HECW1: variants seen among roughly 807,000 people sequenced by gnomAD.
HECW1 encodes HECT, C2 and WW domain containing E3 ubiquitin protein ligase 1.
Under a neutral mutation model 182.3 loss-of-function variants are expected in HECW1, and 61 were observed. That is an observed-to-expected ratio of 0.33 (90% confidence interval 0.27 to 0.41). The LOEUF (loss-of-function observed/expected upper bound fraction) is 0.41, where lower values mean the gene tolerates loss of function less well. Ranked by LOEUF, HECW1 falls within the 10% of genes least tolerant of loss-of-function variation. The pLI is 1.00. For synonymous variants in HECW1, 859 were observed against 832.6 expected (o/e 1.03, Z -0.55); for missense variants, 1,739 against 2,108.9 (o/e 0.82, Z 3.44).
chr7:43,384,864 TC>T (rs1467649889), intron 6 of HECW1, among the ~76,000 whole-genome samples: 1 of 152,144 alleles, frequency 6.6e-6, no homozygotes, highest in Non-Finnish European at 1.5e-5. Context: ...CCGACACACT[TC>T]CTATGATTTC....
intron 3 of HECW1, chr7:43,274,291 TG>T: frequency 9.7e-7 from 1 of 1,031,836 alleles, no homozygotes; most frequent in Non-Finnish European, 1.4e-6. Flanking sequence ...GTCCCGCTTC[TG>T]GTACTTTGTA....
intron 5 of HECW1, among the ~76,000 whole-genome samples, chr7:43,323,216 AAC>A (rs1284832468): frequency 6.6e-6 from 1 of 152,212 alleles, no homozygotes; most frequent in Non-Finnish European, 1.5e-5. Flanking sequence ...ACATATATAG[AAC>A]ATTTCTTGTA....
intron 7 of HECW1, among the ~76,000 whole-genome samples, chr7:43,402,795 A>G (rs2075472466): frequency 6.6e-6 from 1 of 152,254 alleles, no homozygotes; most frequent in Admixed American, 6.5e-5. Flanking sequence ...CAAATGCTTT[A>G]CTTGTCAAGT....
chr7:43,267,395 G>A (rs1801915664), intron 3 of HECW1, among the ~76,000 whole-genome samples: 1 of 151,970 alleles, frequency 6.6e-6, no homozygotes, highest in African/African-American at 2.4e-5. Context: ...TGACTATTTA[G>A]GAAATAATGT....
At chr7:43,431,518 A>G (rs541275282) in intron 8 of HECW1, among the ~76,000 whole-genome samples, 6 of 151,946 alleles carry the variant, frequency 3.9e-5, no homozygotes, top group Non-Finnish European at 8.8e-5. Flanking sequence ...ACCACTTTGC[A>G]CTTATCTTAC....
chr7:43,309,001 A>T (rs1320376579), intron 3 of HECW1, among the ~76,000 whole-genome samples: 1 of 152,224 alleles, frequency 6.6e-6, no homozygotes, highest in Non-Finnish European at 1.5e-5. Context: ...ATTTCTATAA[A>T]TTAAAGCTTT....
chr7:43,167,051 T>C (rs1214575000), intron 2 of HECW1, among the ~76,000 whole-genome samples: 1 of 152,216 alleles, frequency 6.6e-6, no homozygotes, highest in African/African-American at 2.4e-5. Context: ...AGATAGTGGA[T>C]TCACTTCCCA....
intron 24 of HECW1, among the ~76,000 whole-genome samples, chr7:43,536,631 G>T (rs1041025113): frequency 6.6e-6 from 1 of 152,186 alleles, no homozygotes; most frequent in African/African-American, 2.4e-5. Context: ...AGGGACCTGG[G>T]GGCCCTTCAG....
At chr7:43,237,179 AGGTAGGTAGG>A (rs1327308052) in intron 2 of HECW1, among the ~76,000 whole-genome samples, 1 of 140,552 alleles carries the variant, frequency 7.1e-6, no homozygotes, top group African/African-American at 2.9e-5. Flanking sequence ...GTAGGTAGGT[AGGTAGGTAGG>A]TAAAGTGTGA....
intron 2 of HECW1, among the ~76,000 whole-genome samples, chr7:43,171,666 C>T (rs1791707878): frequency 6.6e-6 from 1 of 152,142 alleles, no homozygotes; most frequent in African/African-American, 2.4e-5. Flanking sequence ...ATATCTAAGC[C>T]TGAGATTTTG....
chr7:43,564,723 CTTAT>C lies in HECW1; in HGVS notation c.*2802_*2805del, dbSNP rs1315535767. On this transcript the variant is annotated 3_prime_UTR_variant, in exon 30 of 30. Coordinates refer to ENST00000395891, the MANE Select transcript of HECW1 (RefSeq NM_015052.5). ...ACAAGTTATGGAAATTCATGTTTAC[CTTAT>C]TTATAAGGCTGATTTTTAAATTATA... 1.7e-5 allele frequency: 3 copies of C among 179,760 alleles called. No individual in the cohort carries two copies. The highest frequency in any genetic ancestry group is 3.6e-5 in the Non-Finnish European group (3 of 84,020). The allele number at this position is 179,760 out of a possible 1,614,324, so 11.1% of individuals were successfully genotyped here.
At chr7:43,261,001 A>C (rs1277132090) in intron 3 of HECW1, among the ~76,000 whole-genome samples, 1 of 152,212 alleles carries the variant, frequency 6.6e-6, no homozygotes, top group Non-Finnish European at 1.5e-5. Context: ...ACAGATGAGG[A>C]AATTAAGAAA....
At position 43,444,320 on chromosome 7, in the gene HECW1, A is replaced by T. The variant is rs915357869; in HGVS notation, c.1148A>T (p.Glu383Val). The change falls in exon 11 of 30, where the codon GAG (glutamate) becomes GTG (valine). Residue 383 changes from glutamate to valine, a missense_variant. Glu to Val is a moderately radical substitution (Grantham distance 121). Transcript: ENST00000395891. The surrounding 1 kb of genome is among the most constrained non-coding windows in gnomAD (Gnocchi z 4.3). ...AGCGGCAGTGGGGAACCTCGGTCTG[A>T]GGCACCAGAGTCCTCTGAGAGCTGG... ...MESGSGEPRS[E>V]APESSESWKP... 1.2e-6 allele frequency: 2 copies of T among 1,614,042 alleles called. No individual in the cohort carries two copies. Among genetic ancestry groups the T allele is most frequent in the Non-Finnish European group, 1.7e-6 (2 of 1,180,022 alleles).
In HECW1 at chr7:43,481,686, A is replaced by G. The variant is rs2078439687; in HGVS notation, c.3234+1942A>G. Among the ~76,000 whole-genome samples, 4 of 152,190 alleles carry G rather than the reference A, an allele frequency of 2.6e-5. No individual in the cohort carries two copies. In the South Asian group the frequency reaches 6.2e-4, roughly 24 times the overall value. ...TGTATGGCAAAGTGCCATCTGTATC[A>G]GTTAAGAACTAGCTGGGGCCAGGTG... is the stretch of plus-strand genomic sequence containing the variant. On this transcript the variant is annotated intron_variant, in intron 17 of 29. Coordinates refer to ENST00000395891, the MANE Select transcript of HECW1 (RefSeq NM_015052.5).
intron 12 of HECW1, among the ~76,000 whole-genome samples, chr7:43,451,163 G>C (rs571231307): frequency 6.6e-6 from 1 of 152,262 alleles, no homozygotes; most frequent in South Asian, 2.1e-4. Flanking sequence ...AGTGTTTTCA[G>C]TGCCTCTCAA....
Position 43,445,383 on chromosome 7 carries a change from C to A in HECW1, c.2211C>A (p.Asp737Glu), listed in dbSNP as rs1005232489. The change falls in exon 11 of 30, where the codon GAC (aspartate) becomes GAA (glutamate). Residue 737 changes from aspartate (D) to glutamate (E), a missense_variant. Physicochemically the swap from Asp to Glu is conservative, Grantham distance 45. Around this residue, in one of 5 missense-constraint regions of HECW1, gnomAD observed 971 missense variants for 1,029.1 expected, o/e 0.94. Coordinates refer to ENST00000395891, the MANE Select transcript of HECW1 (RefSeq NM_015052.5). ...AGAGCACGGTCTTCTCCTCGCAAGA[C>A]GACGAGGAGGAGGAGAACAGCGCGT... is the stretch of plus-strand genomic sequence containing the variant. ...ISESTVFSSQ[D>E]DEEEENSAFE... is the part of the protein sequence containing the mutation. The A allele has an allele frequency of 1.2e-6, 2 of 1,613,704 alleles. No homozygotes were observed. The highest frequency in any genetic ancestry group is 1.1e-5 in the South Asian group (1 of 91,086).
chr7:43,422,366 TTG>T (rs2076210389), intron 8 of HECW1, among the ~76,000 whole-genome samples: 3 of 93,062 alleles, frequency 3.2e-5, no homozygotes, highest in Non-Finnish European at 1.9e-5. Context: ...TTGGTTGTTG[TTG>T]TTTTTTTTTT....
At chr7:43,454,774 C>G (rs565044287) in intron 12 of HECW1, among the ~76,000 whole-genome samples, 4 of 152,160 alleles carry the variant, frequency 2.6e-5, no homozygotes, top group Non-Finnish European at 5.9e-5. Context: ...ATGTCATTAC[C>G]TGAATGATAA....
At chr7:43,407,870 C>A (rs1421053413) in intron 8 of HECW1, 139 bp downstream of exon 8, 2 of 738,500 alleles carry the variant, frequency 2.7e-6, no homozygotes, top group South Asian at 2.3e-5. Context: ...TAGAAGGGAG[C>A]CATGTTCTCC....
Sources: allele counts gnomAD v4.1 joint callset (sites outside exome capture counted in the v4.1 genomes callset), GRCh38; gene constraint gnomAD v4.1.1; regional missense constraint gnomAD v4.1.1; non-coding constraint Gnocchi (gnomAD v3.1); transcripts MANE v1.5; gene names NCBI Gene and HGNC (gene_info 2026-07-23, HGNC 2026-07-21).